The following IL21R variants were observed in gnomAD, a reference collection of about 807,000 sequenced individuals.
IL21R encodes interleukin-21 receptor.
In IL21R, 14 loss-of-function variants were observed where a neutral mutation model predicts 41.3. The observed-to-expected ratio is 0.34, with a 90% confidence interval of 0.22 to 0.53. IL21R has a LOEUF of 0.53. Among genes scored for constraint, IL21R ranks in the 20% least tolerant of loss-of-function variants. The pLI, the probability that IL21R is intolerant of heterozygous loss-of-function variation, is 0.94. For synonymous variants in IL21R, 286 were observed against 287.6 expected (o/e 0.99, Z 0.05); for missense variants, 588 against 681.6 (o/e 0.86, Z 1.53).
chr16:27,410,420 TA>T (rs545754532), intron 1 of IL21R, among the ~76,000 whole-genome samples: 236 of 152,322 alleles, frequency 1.5e-3, no homozygotes, highest in Admixed American at 2.4e-3. Flanking sequence ...GGCATAATTT[TA>T]AAATTTCTTG....
chr16:27,444,507 C>T (rs1405771716), intron 5 of IL21R, 35 bp from the exon 6 acceptor site: 16 of 1,437,430 alleles, frequency 1.1e-5, no homozygotes, highest in East Asian at 5.4e-5. Context: ...CCTGGTTTAA[C>T]CCTGACCTGG....
At chr16:27,417,408 C>T (rs1308149995) in intron 1 of IL21R, among the ~76,000 whole-genome samples, 1 of 152,156 alleles carries the variant, frequency 6.6e-6, no homozygotes, top group Non-Finnish European at 1.5e-5. Flanking sequence ...CTCAAGCAAC[C>T]CTCCCGCCTT....
chr16:27,431,794 G>T (rs2087176915), intron 2 of IL21R, among the ~76,000 whole-genome samples: 1 of 152,054 alleles, frequency 6.6e-6, no homozygotes, highest in Non-Finnish European at 1.5e-5. Context: ...GGGATAACAG[G>T]CACATGCCAT....
chr16:27,431,581 C>T (rs140554191), intron 2 of IL21R, among the ~76,000 whole-genome samples: 16 of 152,046 alleles, frequency 1.1e-4, no homozygotes, highest in Non-Finnish European at 2.2e-4. Context: ...ATTTACTGCT[C>T]GCAGTTCTGG....
intron 7 of IL21R, among the ~76,000 whole-genome samples, 174 bp from the exon 8 acceptor site, chr16:27,445,829 GACTT>G (rs2087465988): frequency 6.6e-6 from 1 of 152,294 alleles, no homozygotes; most frequent in East Asian, 1.9e-4. Flanking sequence ...CTGTGAGGGA[GACTT>G]ACTTCTCCCA....
chr16:27,405,253 G>A (rs1454497160), intron 1 of IL21R, among the ~76,000 whole-genome samples: 1 of 152,068 alleles, frequency 6.6e-6, no homozygotes, highest in Non-Finnish European at 1.5e-5. Flanking sequence ...GGCTGGTCTT[G>A]AACTCCTGGG....
intron 2 of IL21R, among the ~76,000 whole-genome samples, chr16:27,431,433 A>G (rs2087169598): frequency 6.6e-6 from 1 of 152,206 alleles, no homozygotes; most frequent in South Asian, 2.1e-4. Context: ...GGAGGCTCAG[A>G]GAGGCTAAGA....
At chr16:27,409,532 T>C (rs1331250603) in intron 1 of IL21R, among the ~76,000 whole-genome samples, 1 of 152,090 alleles carries the variant, frequency 6.6e-6, no homozygotes, top group Non-Finnish European at 1.5e-5. Flanking sequence ...CTATCTGTAG[T>C]TTATTTTTCT....
intron 3 of IL21R, among the ~76,000 whole-genome samples, chr16:27,435,642 C>T (rs2087256216): frequency 6.6e-6 from 1 of 151,846 alleles, no homozygotes; most frequent in South Asian, 2.1e-4. Flanking sequence ...TTTGTAAAGA[C>T]AGGGTTTTGC....
chr16:27,406,894 G>C (rs2086757203), intron 1 of IL21R, among the ~76,000 whole-genome samples: 1 of 152,202 alleles, frequency 6.6e-6, no homozygotes, highest in African/African-American at 2.4e-5. Context: ...GGGCCACTGG[G>C]CTAGTTCTTC....
In IL21R at chr16:27,424,712, C is replaced by T. The variant is rs116324109; in HGVS notation, c.-16-5344C>T. 8.0e-3 allele frequency among the ~76,000 whole-genome samples: 1,213 copies of T among 152,264 alleles called. 14 individuals are homozygous for T. Among genetic ancestry groups the T allele is most frequent in the African/African-American group, 0.028 (1,155 of 41,548 alleles). On this transcript the variant is annotated intron_variant, in intron 1 of 8. Coordinates refer to ENST00000337929, the MANE Select transcript of IL21R (RefSeq NM_181078.3). Reference sequence around the variant, plus strand: ...CCAAGTCAGGTGCACTTCACTCCTCCGTAGGAGACTGCAGAGGTTGGGTGC... The same window carrying T: ...CCAAGTCAGGTGCACTTCACTCCTCTGTAGGAGACTGCAGAGGTTGGGTGC...
chr16:27,419,989 G>T (rs536728561), intron 1 of IL21R, among the ~76,000 whole-genome samples: 1 of 151,058 alleles, frequency 6.6e-6, no homozygotes, highest in Non-Finnish European at 1.5e-5. Context: ...CCCCATTCAA[G>T]TGATTCTCCT....
Position 27,449,004 on chromosome 16 carries a change from G to A in IL21R, c.1338G>A (p.Leu446=). Residue 446 remains leucine, a synonymous_variant, in exon 9 of 9, where the codon CTG becomes CTA. Transcript: ENST00000337929. ...TAGGAGGGCCCCTGGGAAGCCTCCT[G>A]GACAGACTAAAGCCACCCCTTGCAG... is the stretch of plus-strand genomic sequence containing the variant. ...PGLGGPLGSL[L]DRLKPPLADG... is the part of the protein sequence containing the mutation. 6.2e-7 allele frequency: 1 copy of A among 1,612,638 alleles called. No homozygotes were observed. The highest frequency in any genetic ancestry group is 1.1e-5 in the South Asian group (1 of 91,068).
At chr16:27,421,026 T>C (rs996092122) in intron 1 of IL21R, among the ~76,000 whole-genome samples, 2 of 152,156 alleles carry the variant, frequency 1.3e-5, no homozygotes, top group African/African-American at 4.8e-5. Flanking sequence ...TATTGCATTG[T>C]GGATATCCAT....
chr16:27,426,902 C>T (rs2087086493), intron 1 of IL21R, among the ~76,000 whole-genome samples: 1 of 152,130 alleles, frequency 6.6e-6, no homozygotes, highest in Non-Finnish European at 1.5e-5. Flanking sequence ...TGGTTTTTGG[C>T]TCATGGGAAT....
chr16:27,437,555 G>A lies in IL21R; in HGVS notation c.220G>A (p.Ala74Thr), dbSNP rs1938637669. ...SCSLHRSAHNATHATYTCHMD... is the reference protein window; with the variant it reads ...SCSLHRSAHNTTHATYTCHMD... The stretch of plus-strand genomic sequence containing the variant: ...CAGCCTCCACAGGTCGGCCCACAAT[G>A]CCACGCATGCCACCTACACCTGCCA... The change falls in exon 4 of 9, where the codon GCC becomes ACC. Residue 74 changes from alanine (A) to threonine (T), a missense_variant. Physicochemically the swap from Ala to Thr is moderately conservative, Grantham distance 58 (BLOSUM62 0). Coordinates refer to ENST00000337929, the MANE Select transcript of IL21R (RefSeq NM_181078.3). 6.2e-7 allele frequency: 1 copy of A among 1,614,118 alleles called. No homozygotes were observed.
At position 27,446,012 on chromosome 16, in the gene IL21R, G is replaced by C. The variant is rs771671978; in HGVS notation, c.791G>C (p.Trp264Ser). ...SLKTHPLWRL[W>S]KKIWAVPSPE... ...ACCCCTCTCTGCCCCCTCAGGCTAT[G>C]GAAGAAGATATGGGCCGTCCCCAGC... Residue 264 changes from tryptophan to serine, a missense_variant, in exon 8 of 9, where the codon TGG becomes TCG. Trp to Ser is a radical substitution (Grantham distance 177, BLOSUM62 -3). Transcript: ENST00000337929. The C allele has an allele frequency of 1.9e-6, 3 of 1,612,504 alleles. No homozygotes were observed. The highest frequency in any genetic ancestry group is 2.5e-6 in the Non-Finnish European group (3 of 1,179,230).
intron 3 of IL21R, among the ~76,000 whole-genome samples, 181 bp from the exon 4 acceptor site, chr16:27,437,307 A>G (rs1178339701): frequency 6.6e-6 from 1 of 152,180 alleles, no homozygotes; most frequent in Non-Finnish European, 1.5e-5. Flanking sequence ...AGGATGCTGT[A>G]GGGGAGGTGA....
At chr16:27,410,220 C>T (rs1271110279) in intron 1 of IL21R, among the ~76,000 whole-genome samples, 1 of 142,678 alleles carries the variant, frequency 7.0e-6, no homozygotes, top group Non-Finnish European at 1.5e-5. Context: ...CTTGTAATCC[C>T]AGCTACTCAG....
Sources: allele counts gnomAD v4.1 joint callset (sites outside exome capture counted in the v4.1 genomes callset), GRCh38; gene constraint gnomAD v4.1.1; transcripts MANE v1.5; gene names NCBI Gene and HGNC (gene_info 2026-07-23, HGNC 2026-07-21).